The following BACH1 variants were observed in gnomAD, a reference collection of about 807,000 sequenced individuals.
BACH1 encodes the protein transcription regulator protein BACH1.
Under a neutral mutation model 52.9 loss-of-function variants are expected in BACH1, and 35 were observed. The ratio of observed to expected loss-of-function variants is 0.66; its 90% CI spans 0.51 to 0.88. The LOEUF (loss-of-function observed/expected upper bound fraction) is 0.88. BACH1 is among the 40% of genes least tolerant of loss of function. BACH1 has a pLI of 0.00. For missense variants in BACH1, 808 were observed against 872.6 expected (o/e 0.93, Z 0.93); for synonymous variants, 321 against 319.6 (o/e 1.00, Z -0.05).
At position 29,329,676 on chromosome 21, in the gene BACH1, T is replaced by G; in HGVS notation, c.1759T>G (p.Ser587Ala). 6.5e-7 allele frequency: 1 copy of G among 1,531,030 alleles called. No individual in the cohort carries two copies. Among genetic ancestry groups the G allele is most frequent in the Non-Finnish European group, 8.8e-7 (1 of 1,141,092 alleles). 94.8% of individuals were successfully genotyped at this position (1,531,030 alleles called of 1,614,324 possible). ...ACTTGACTGTATACAGAATCTTGAATCAGAAATTGAGAAGCTGGTAAGTGT... is the reference window on the plus strand; with the variant it reads ...ACTTGACTGTATACAGAATCTTGAAGCAGAAATTGAGAAGCTGGTAAGTGT... Reference protein sequence around the residue: ...RKLDCIQNLESEIEKLQSEKE... With the variant: ...RKLDCIQNLEAEIEKLQSEKE... Residue 587 changes from serine (S) to alanine (A), a missense_variant, in exon 4 of 5, where the codon TCA becomes GCA. Ser to Ala is a moderately conservative substitution (Grantham distance 99). Transcript: ENST00000286800.
At position 29,344,288 on chromosome 21, in the gene BACH1, A is replaced by G. The variant is rs1399493928; in HGVS notation, c.*1455A>G. 6.6e-6 allele frequency: 1 copy of G among 152,670 alleles called. No homozygotes were observed. The highest frequency in any genetic ancestry group is 1.5e-5 in the Non-Finnish European group (1 of 68,050). The allele number at this position is 152,670 out of a possible 1,614,324, so 9.5% of individuals were successfully genotyped here. On this transcript the variant is annotated 3_prime_UTR_variant, in exon 5 of 5. Transcript: ENST00000286800. ...TCAGAGGGCTGAAAGAGACACTTCTATAGACTGCATCCTGAGCCTAGTGCA... is the reference window on the plus strand; with the variant it reads ...TCAGAGGGCTGAAAGAGACACTTCTGTAGACTGCATCCTGAGCCTAGTGCA...
chr21:29,360,796 G>A (rs1252724727), intron 2 of BACH1, among the ~76,000 whole-genome samples: 4 of 148,410 alleles, frequency 2.7e-5, no homozygotes, highest in Middle Eastern at 3.4e-3. Flanking sequence ...AGTGAGCTGA[G>A]ATGGCACCAC....
intron 2 of BACH1, among the ~76,000 whole-genome samples, chr21:29,323,557 C>G (rs1207555542): frequency 2.0e-5 from 3 of 152,186 alleles, no homozygotes; most frequent in Non-Finnish European, 4.4e-5. Context: ...TCCAGCCTCG[C>G]TGGCAGCTGA....
Position 29,342,583 on chromosome 21 carries a change from A to G in BACH1, c.1961A>G (p.Glu654Gly), listed in dbSNP as rs764650286. The part of the protein sequence containing the change: ...ADCPLSFLIS[E>G]KDKSTPDGEL... ...TGCCCACTTTCATTTTTAATTTCTG[A>G]AAAAGATAAAAGTACTCCTGATGGT... is the stretch of plus-strand genomic sequence containing the variant. Residue 654 changes from glutamate to glycine, a missense_variant, in exon 5 of 5, where the codon GAA (glutamate) becomes GGA (glycine). Physicochemically the swap from Glu to Gly is moderately conservative, Grantham distance 98. Coordinates refer to ENST00000286800, the MANE Select transcript of BACH1 (RefSeq NM_001186.4). 12 of 1,614,222 alleles carry G rather than the reference A, an allele frequency of 7.4e-6. No homozygotes were observed. The highest frequency in any genetic ancestry group is 5.5e-5 in the South Asian group (5 of 91,080).
rs140520244 is a variant in BACH1, at chr21:29,342,917, C to T, written c.*84C>T. 1.0e-4 allele frequency: 136 copies of T among 1,310,564 alleles called. No homozygotes were observed. In the African/African-American group the frequency reaches 1.7e-3, roughly 17 times the overall value. The allele number at this position is 1,310,564 out of a possible 1,614,324, so 81.2% of individuals were successfully genotyped here. Reference sequence around the variant, plus strand: ...GAAAGCCTAATATGACCATCTGTTGCTCAACAATACTGTTTTTTTCCTTTA... The same window carrying T: ...GAAAGCCTAATATGACCATCTGTTGTTCAACAATACTGTTTTTTTCCTTTA... On this transcript the variant is annotated 3_prime_UTR_variant, in exon 5 of 5. Coordinates refer to ENST00000286800, the MANE Select transcript of BACH1 (RefSeq NM_001186.4).
chr21:29,353,236 A>G (rs1361328676), intron 2 of BACH1, among the ~76,000 whole-genome samples: 3 of 152,200 alleles, frequency 2.0e-5, no homozygotes, highest in Non-Finnish European at 2.9e-5. Flanking sequence ...GTGGTTACAC[A>G]TTGCAAATTA....
chr21:29,304,199 C>T (rs994623239), intron 1 of BACH1, among the ~76,000 whole-genome samples: 31 of 148,390 alleles, frequency 2.1e-4, no homozygotes, highest in Non-Finnish European at 5.9e-5. Flanking sequence ...GATCTCGGGT[C>T]ACTGCAACCT....
intron 2 of BACH1, chr21:29,352,477 C>T (rs192370577): frequency 6.6e-5 from 10 of 152,266 alleles, no homozygotes; most frequent in Admixed American, 2.0e-4. Flanking sequence ...TTCTGGTCCT[C>T]GATAGCAAAG....
intron 2 of BACH1, among the ~76,000 whole-genome samples, chr21:29,325,053 C>T (rs2088894157): frequency 1.3e-5 from 2 of 151,990 alleles, no homozygotes; most frequent in African/African-American, 2.4e-5. Context: ...GTGGTGAAAC[C>T]CCCGTCTCTA....
downstream of BACH1, among the ~76,000 whole-genome samples, chr21:29,346,395 T>C (rs955681634): frequency 2.0e-5 from 3 of 152,226 alleles, no homozygotes; most frequent in Non-Finnish European, 2.9e-5. Context: ...AGGGGTATTA[T>C]CTCTATCAGT....
rs186569075 is a variant in BACH1, at chr21:29,355,446, C to T, written c.472+25753C>T. Among the ~76,000 whole-genome samples, 6 of 152,310 alleles carry T rather than the reference C, an allele frequency of 3.9e-5. No individual in the cohort carries two copies. The East Asian group carries it at 9.6e-4, about 24-fold the overall frequency. ...CAAGTCCCCACCTAACCCAGAAGGC[C>T]AGCTGGCTTCACCTCTCAATCCCCC... On this transcript the variant is annotated intron_variant, in intron 2 of 4. Coordinates refer to the BACH1 transcript ENST00000422809.
chr21:29,306,850 A>G (rs1391778960), intron 1 of BACH1, among the ~76,000 whole-genome samples: 1 of 152,320 alleles, frequency 6.6e-6, no homozygotes, highest in African/African-American at 2.4e-5. Flanking sequence ...TCAATGGTTT[A>G]TTTAAAAATT....
intron 1 of BACH1, among the ~76,000 whole-genome samples, chr21:29,320,048 A>G (rs957855284): frequency 1.3e-5 from 2 of 152,170 alleles, no homozygotes; most frequent in African/African-American, 4.8e-5. Flanking sequence ...CTGAATCAGT[A>G]AATAAGTTGT....
intron 1 of BACH1, among the ~76,000 whole-genome samples, chr21:29,316,577 G>A (rs923946166): frequency 5.3e-5 from 8 of 152,222 alleles, no homozygotes; most frequent in African/African-American, 1.9e-4. Flanking sequence ...GGTGCATGAT[G>A]GATGTTAGAG....
intron 2 of BACH1, chr21:29,361,262 G>A (rs572437118): frequency 6.6e-6 from 1 of 152,256 alleles, no homozygotes; most frequent in East Asian, 1.9e-4. Flanking sequence ...TGTGCCATTT[G>A]AGTTATCAGT....
intron 2 of BACH1, chr21:29,351,490 T>C (rs894097328): frequency 5.5e-5 from 22 of 400,524 alleles, no homozygotes; most frequent in Non-Finnish European, 1.0e-4. Flanking sequence ...AGGACTACTA[T>C]TAAAACCTTA....
rs561652343 is a variant in BACH1, at chr21:29,345,482, A to G, written c.*2649A>G. ...TTTTAAAAGCTGTTATGTTGAATTC[A>G]GTAAAATAACATTACCTTATTTTTT... On this transcript the variant is annotated 3_prime_UTR_variant, in exon 5 of 5. Transcript: ENST00000286800. The G allele has an allele frequency of 3.9e-5, 6 of 152,362 alleles. No homozygotes were observed. In the South Asian group the frequency reaches 1.0e-3, roughly 26 times the overall value. The allele number at this position is 152,362 out of a possible 1,614,324, so 9.4% of individuals were successfully genotyped here. A position where few individuals can be genotyped will look rare whatever the true frequency, so the allele number is the denominator to read the frequency against.
At chr21:29,341,779 A>C (rs537421468) in intron 4 of BACH1, among the ~76,000 whole-genome samples, 75 of 152,346 alleles carry the variant, frequency 4.9e-4, no homozygotes, top group South Asian at 2.1e-3. Flanking sequence ...TGTGGATTAC[A>C]TAGCTGAGAT....
rs767589655 is a variant in BACH1, at chr21:29,321,417, G to A, written c.137G>A (p.Arg46His). Residue 46 changes from arginine (R) to histidine (H), a missense_variant, in exon 2 of 5, where the codon CGC (arginine) becomes CAC (histidine). By Grantham distance (29) the Arg-to-His change is conservative. Coordinates refer to ENST00000286800, the MANE Select transcript of BACH1 (RefSeq NM_001186.4). ...ATCTTTGTGGAGGGACAGCGGTTCC[G>A]CGCTCACCGGTCCGTGCTGGCGGCA... ...VTIFVEGQRF[R>H]AHRSVLAACS... The A allele has an allele frequency of 9.9e-6, 16 of 1,614,062 alleles. No homozygotes were observed. The highest frequency in any genetic ancestry group is 1.3e-5 in the African/African-American group (1 of 74,910).
Sources: allele counts gnomAD v4.1 joint callset (sites outside exome capture counted in the v4.1 genomes callset), GRCh38; gene constraint gnomAD v4.1.1; transcripts MANE v1.5; gene names NCBI Gene and HGNC (gene_info 2026-07-23, HGNC 2026-07-21).